The following LRRTM4 variants were observed in gnomAD, a reference collection of about 807,000 sequenced individuals.
LRRTM4 encodes the protein leucine-rich repeat transmembrane neuronal protein 4.
A neutral mutation model predicts 47.6 loss-of-function variants in LRRTM4; 25 were observed. The observed-to-expected ratio is 0.53, with a 90% CI of 0.38 to 0.73. LRRTM4 has a LOEUF of 0.73. Among genes scored for constraint, LRRTM4 ranks in the 30% least tolerant of loss-of-function variants. LRRTM4 has a pLI of 0.00. For synonymous variants in LRRTM4, 311 were observed against 269.5 expected, an observed-to-expected ratio of 1.15 and a Z score of -1.51; for missense variants, 638 against 713.4, an observed-to-expected ratio of 0.89 and a Z score of 1.20.
intron 3 of LRRTM4, among the ~76,000 whole-genome samples, chr2:76,901,781 T>G (rs1471447019): frequency 2.0e-5 from 3 of 152,120 alleles, no homozygotes; most frequent in African/African-American, 7.2e-5. Context: ...CAAAATTCAC[T>G]CATTGTTACA....
intron 3 of LRRTM4, among the ~76,000 whole-genome samples, chr2:77,263,247 C>A (rs140768253): frequency 2.1e-3 from 319 of 152,208 alleles, no homozygotes; most frequent in African/African-American, 7.6e-3. Context: ...TTCTTCACAC[C>A]TTGTCCCCTG....
At chr2:76,950,308 G>A (rs1167474279) in intron 3 of LRRTM4, among the ~76,000 whole-genome samples, 3 of 151,910 alleles carry the variant, frequency 2.0e-5, no homozygotes, top group Non-Finnish European at 4.4e-5. Flanking sequence ...CCTGGAAGGC[G>A]TATTTCCTAG....
intron 3 of LRRTM4, among the ~76,000 whole-genome samples, chr2:76,849,184 G>C (rs1671921497): frequency 1.3e-5 from 2 of 152,026 alleles, no homozygotes; most frequent in African/African-American, 4.8e-5. Flanking sequence ...TAATGTGGGG[G>C]GTGACAGTGC....
At chr2:76,866,530 T>A (rs1672474335) in intron 3 of LRRTM4, among the ~76,000 whole-genome samples, 1 of 152,200 alleles carries the variant, frequency 6.6e-6, no homozygotes, top group Admixed American at 6.5e-5. Context: ...TAAAATCTTT[T>A]CCTTACAAAA....
intron 3 of LRRTM4, among the ~76,000 whole-genome samples, chr2:76,818,030 T>C (rs977452329): frequency 7.9e-5 from 12 of 151,978 alleles, no homozygotes; most frequent in African/African-American, 2.9e-4. Flanking sequence ...CTTTAAAAAG[T>C]AAAGAGGATA....
chr2:77,406,647 A>C (rs1256092916), intron 3 of LRRTM4, among the ~76,000 whole-genome samples: 1 of 152,096 alleles, frequency 6.6e-6, no homozygotes, highest in Non-Finnish European at 1.5e-5. Flanking sequence ...AATGAAAATC[A>C]TTTTATATTA....
At chr2:77,313,921 A>T (rs13411895) in intron 3 of LRRTM4, among the ~76,000 whole-genome samples, 33,526 of 152,142 alleles carry the variant, frequency 0.22, 4,086 homozygotes, top group East Asian at 0.46. Flanking sequence ...TCTGTTTTTT[A>T]AATTTTTTAT....
intron 3 of LRRTM4, among the ~76,000 whole-genome samples, chr2:76,853,914 C>T (rs977593089): frequency 2.0e-5 from 3 of 152,130 alleles, no homozygotes; most frequent in Non-Finnish European, 2.9e-5. Context: ...TTGCCTTTTC[C>T]TCCCAGTTGT....
chr2:77,371,420 A>T (rs1229866330), intron 3 of LRRTM4, among the ~76,000 whole-genome samples: 1 of 151,596 alleles, frequency 6.6e-6, no homozygotes, highest in Non-Finnish European at 1.5e-5. Flanking sequence ...AAATTTCAGA[A>T]CTGTCCCCTT....
intron 3 of LRRTM4, among the ~76,000 whole-genome samples, chr2:76,800,099 CTACTT>C (rs1675579540): frequency 6.6e-6 from 1 of 150,842 alleles, no homozygotes; most frequent in Non-Finnish European, 1.5e-5. Flanking sequence ...TTGGAAAAAA[CTACTT>C]TAAAGTTCAT....
intron 3 of LRRTM4, among the ~76,000 whole-genome samples, chr2:77,503,073 C>T (rs1344470155): frequency 6.7e-6 from 1 of 149,944 alleles, no homozygotes; most frequent in Non-Finnish European, 1.5e-5. Flanking sequence ...TATTTTGGTT[C>T]TCATTCTATC....
intron 3 of LRRTM4, among the ~76,000 whole-genome samples, chr2:77,294,919 T>G (rs1310911339): frequency 6.6e-6 from 1 of 152,164 alleles, no homozygotes; most frequent in Non-Finnish European, 1.5e-5. Context: ...ACAGTATATA[T>G]GATTTTTTCT....
chr2:77,154,370 C>G (rs1040675645), intron 3 of LRRTM4, among the ~76,000 whole-genome samples: 1 of 152,050 alleles, frequency 6.6e-6, no homozygotes, highest in African/African-American at 2.4e-5. Context: ...ACATGGTCCA[C>G]CTCACAAGGA....
At chr2:76,913,650 G>T (rs1369254199) in intron 3 of LRRTM4, among the ~76,000 whole-genome samples, 1 of 149,928 alleles carries the variant, frequency 6.7e-6, no homozygotes, top group Admixed American at 6.7e-5. Context: ...AGTGATTCTC[G>T]TACCTCAGCC....
intron 3 of LRRTM4, among the ~76,000 whole-genome samples, chr2:77,065,941 T>C (rs2103812686): frequency 6.6e-6 from 1 of 152,298 alleles, no homozygotes; most frequent in South Asian, 2.1e-4. Flanking sequence ...AGCACACAGA[T>C]AATGCTTAAC....
At chr2:76,882,282 A>G (rs1298571848) in intron 3 of LRRTM4, among the ~76,000 whole-genome samples, 1 of 152,142 alleles carries the variant, frequency 6.6e-6, no homozygotes, top group African/African-American at 2.4e-5. Flanking sequence ...CAGGGTTCTA[A>G]TAATATTTTA....
chr2:77,053,286 AC>A, intron 3 of LRRTM4, among the ~76,000 whole-genome samples: 1 of 152,300 alleles, frequency 6.6e-6, no homozygotes, highest in African/African-American at 2.4e-5. Context: ...AGATATTCAT[AC>A]TTTTAAATAC....
chr2:77,150,952 G>C (rs1672401322), intron 3 of LRRTM4, among the ~76,000 whole-genome samples: 1 of 151,914 alleles, frequency 6.6e-6, no homozygotes, highest in African/African-American at 2.4e-5. Flanking sequence ...TTATTCAACA[G>C]GTTGAACACA....
intron 3 of LRRTM4, among the ~76,000 whole-genome samples, chr2:77,106,791 A>G (rs1431574894): frequency 1.3e-5 from 2 of 151,806 alleles, no homozygotes; most frequent in Non-Finnish European, 2.9e-5. Context: ...TATTAATGAT[A>G]ATAATAATAA....
Sources: gnomAD v4.1 joint callset for allele counts (sites outside exome capture counted in the v4.1 genomes callset) on GRCh38, gnomAD v4.1.1 for gene constraint, MANE v1.5 for transcripts, NCBI Gene and HGNC (gene_info 2026-07-23, HGNC 2026-07-21) for gene names.